Variants in OR4K2 observed in about 807,000 individuals in gnomAD.
OR4K2 encodes the protein olfactory receptor family 4 subfamily K member 2.
In OR4K2, 8 loss-of-function variants were observed where a neutral mutation model predicts 10.5. That is an observed-to-expected ratio of 0.76 (90% CI 0.45 to 1.37). The LOEUF (loss-of-function observed/expected upper bound fraction) is 1.37. OR4K2 is among the 40% of genes most tolerant of loss of function. The probability of loss-of-function intolerance (pLI) is 0.00; values close to 1 mark genes in which losing one functional copy is unlikely to be tolerated. For synonymous variants in OR4K2, 178 were observed against 133.6 expected (o/e 1.33, Z -2.29); for missense variants, 547 against 379.5 (o/e 1.44, Z -3.67).
rs1238456621 is a variant in OR4K2 at position 19,878,444 on chromosome 14, CAAGTT to C, written c.*1233_*1237del. On this transcript the variant is annotated 3_prime_UTR_variant, in exon 2 of 2. Coordinates refer to ENST00000641885, the MANE Select transcript of OR4K2 (RefSeq NM_001005501.2). Reference sequence around the variant, plus strand: ...TTGCAACCACAGTATTTGATAATATCAAGTTGTTATTTTCTGGTATGATTGAGTAA... The same window carrying C: ...TTGCAACCACAGTATTTGATAATATCGTTATTTTCTGGTATGATTGAGTAA... The C allele has an allele frequency of 6.6e-6, 1 of 152,120 alleles. No individual in the cohort carries two copies. The highest frequency in any genetic ancestry group is 1.5e-5 in the Non-Finnish European group (1 of 67,994). 9.4% of individuals were successfully genotyped at this position (152,120 alleles called of 1,614,324 possible).
Position 19,876,624 on chromosome 14 carries a change from CTT to C in OR4K2, c.359_360del (p.Phe120Ter). 6.2e-7 allele frequency: 1 copy of C among 1,614,204 alleles called. No individual in the cohort carries two copies. The highest frequency in any genetic ancestry group is 8.5e-7 in the Non-Finnish European group (1 of 1,180,008). On this transcript the variant is annotated frameshift_variant, in exon 2 of 2. Transcript: ENST00000641885. LOFTEE classifies it high-confidence loss of function. ...TEIILLMAMS[F>X]DRYIAICKPL... ...AGATCATCTTACTCATGGCCATGTC[CTT>C]TGATAGGTATATTGCAATATGCAAG...
At position 19,877,362 on chromosome 14, in the gene OR4K2, C is replaced by A; in HGVS notation, c.*150C>A. The A allele has an allele frequency of 1.7e-6, 1 of 593,216 alleles. No individual in the cohort carries two copies. The highest frequency in any genetic ancestry group is 2.5e-5 in the South Asian group (1 of 40,432). 36.7% of individuals were successfully genotyped at this position (593,216 alleles called of 1,614,324 possible). ...CATGAATGTGAATGTGTTCAAAATACATTTGAAATTTCAGAAAAGCAAGTT... is the reference window on the plus strand; with the variant it reads ...CATGAATGTGAATGTGTTCAAAATAAATTTGAAATTTCAGAAAAGCAAGTT... On this transcript the variant is annotated 3_prime_UTR_variant, in exon 2 of 2. Coordinates refer to ENST00000641885, the MANE Select transcript of OR4K2 (RefSeq NM_001005501.2).
Position 19,882,787 on chromosome 14 carries a change from T to G in OR4K2, c.*5575T>G, listed in dbSNP as rs1347581483. 1 of 153,244 alleles carries G rather than the reference T, an allele frequency of 6.5e-6. No homozygotes were observed. The highest frequency in any genetic ancestry group is 1.5e-5 in the Non-Finnish European group (1 of 68,954). 9.5% of individuals were successfully genotyped at this position (153,244 alleles called of 1,614,324 possible). A position where few individuals can be genotyped will look rare whatever the true frequency, so the allele number is the denominator to read the frequency against. On this transcript the variant is annotated 3_prime_UTR_variant, in exon 2 of 2. Coordinates refer to ENST00000641885, the MANE Select transcript of OR4K2 (RefSeq NM_001005501.2). ...CTACAAGTCTCACTATCACTATCTC[T>G]TCAATTTCTGTATAATTTATCTTTC... is the stretch of plus-strand genomic sequence containing the variant.
rs1880886387 is a variant in OR4K2, at chr14:19,876,098, A to C, written c.-60A>C. On this transcript the variant is annotated 5_prime_UTR_variant, in exon 1 of 2. Coordinates refer to ENST00000641885, the MANE Select transcript of OR4K2 (RefSeq NM_001005501.2). ...ATATTTCATAATTTCCATTCAAAACAATATACCAAATGAGAAGGATGGAAA... is the reference window on the plus strand; with the variant it reads ...ATATTTCATAATTTCCATTCAAAACCATATACCAAATGAGAAGGATGGAAA... 1 of 614,278 alleles carries C rather than the reference A, an allele frequency of 1.6e-6. No individual in the cohort carries two copies. The highest frequency in any genetic ancestry group is 2.8e-6 in the Non-Finnish European group (1 of 362,176). 38.1% of individuals were successfully genotyped at this position (614,278 alleles called of 1,614,324 possible).
chr14:19,875,996 G>A lies in OR4K2; in HGVS notation c.-162G>A. The A allele has an allele frequency of 2.4e-6, 1 of 416,162 alleles. No individual in the cohort carries two copies. Among genetic ancestry groups the A allele is most frequent in the Non-Finnish European group, 4.3e-6 (1 of 233,198 alleles). The allele number at this position is 416,162 out of a possible 1,614,324, so 25.8% of individuals were successfully genotyped here. ...TGTTCAGAATGATATTATCTTGGTTGGATTGCCATTAGTATCAGAAAAGAA... is the reference window on the plus strand; with the variant it reads ...TGTTCAGAATGATATTATCTTGGTTAGATTGCCATTAGTATCAGAAAAGAA... On this transcript the variant is annotated 5_prime_UTR_variant, in exon 1 of 2. Transcript: ENST00000641885.
rs1194046283 is a variant in OR4K2, at chr14:19,875,861, C to A, written c.-297C>A. ...ATCTTTATGGACAAATTCCAAATGA[C>A]TAAACATGTATGTGTATGTGTGTTT... On this transcript the variant is annotated 5_prime_UTR_variant, in exon 1 of 2. Coordinates refer to ENST00000641885, the MANE Select transcript of OR4K2 (RefSeq NM_001005501.2). 1 of 172,912 alleles carries A rather than the reference C, an allele frequency of 5.8e-6. No individual in the cohort carries two copies. Among genetic ancestry groups the A allele is most frequent in the Non-Finnish European group, 1.2e-5 (1 of 81,924 alleles). 10.7% of individuals were successfully genotyped at this position (172,912 alleles called of 1,614,324 possible).
In OR4K2 at chr14:19,876,453, G is replaced by C; in HGVS notation, c.186G>C (p.Leu62=). ...ACCTACACTCTCCTATGTATTTCCTGCTTACCAATCTTTCAATCATTGATA... is the reference window on the plus strand; with the variant it reads ...ACCTACACTCTCCTATGTATTTCCTCCTTACCAATCTTTCAATCATTGATA... ...DPHLHSPMYF[L]LTNLSIIDMS... The change falls in exon 2 of 2, where the codon CTG becomes CTC. Residue 62 remains leucine, a synonymous_variant. Coordinates refer to ENST00000641885, the MANE Select transcript of OR4K2 (RefSeq NM_001005501.2). The C allele has an allele frequency of 6.2e-7, 1 of 1,614,080 alleles. No homozygotes were observed. The highest frequency in any genetic ancestry group is 8.5e-7 in the Non-Finnish European group (1 of 1,179,964).
chr14:19,879,215 A>T lies in OR4K2; in HGVS notation c.*2003A>T, dbSNP rs954374534. The T allele has an allele frequency of 6.6e-6, 1 of 151,800 alleles. No individual in the cohort carries two copies. Among genetic ancestry groups the T allele is most frequent in the African/African-American group, 2.4e-5 (1 of 41,306 alleles). 9.4% of individuals were successfully genotyped at this position (151,800 alleles called of 1,614,324 possible). A position where few individuals can be genotyped will look rare whatever the true frequency, so the allele number is the denominator to read the frequency against. ...GCTTACATATATAAATGGAACTATC[A>T]CATTTCTCGGTGGCTTAGTGTGAGG... On this transcript the variant is annotated 3_prime_UTR_variant, in exon 2 of 2. Transcript: ENST00000641885.
rs868554412 is a variant in OR4K2 at position 19,876,853 on chromosome 14, G to C, written c.586G>C (p.Gly196Arg). The C allele has an allele frequency of 1.2e-6, 2 of 1,613,912 alleles. No individual in the cohort carries two copies. The highest frequency in any genetic ancestry group is 8.5e-7 in the Non-Finnish European group (1 of 1,179,980). ...QLACVDTYVLGLFMISTSGII... is the reference protein window; with the variant it reads ...QLACVDTYVLRLFMISTSGII... ...GGCTTGTGTGGATACTTATGTTCTG[G>C]GCCTCTTTATGATCTCAACAAGTGG... Residue 196 changes from glycine to arginine, a missense_variant, in exon 2 of 2, where the codon GGC becomes CGC. Coordinates refer to ENST00000641885, the MANE Select transcript of OR4K2 (RefSeq NM_001005501.2).
rs374783974 is a variant in OR4K2 at position 19,876,967 on chromosome 14, T to A, written c.700T>A (p.Ser234Thr). Residue 234 changes from serine to threonine, a missense_variant, in exon 2 of 2, where the codon TCT becomes ACT. Coordinates refer to ENST00000641885, the MANE Select transcript of OR4K2 (RefSeq NM_001005501.2). The part of the protein sequence containing the change: ...TVKHHSSRGS[S>T]KALSTCTAHF... The stretch of plus-strand genomic sequence containing the variant: ...GAAGCATCATTCTTCCAGAGGATCA[T>A]CTAAGGCCCTTTCTACTTGTACAGC... 5.6e-6 allele frequency: 9 copies of A among 1,613,932 alleles called. No homozygotes were observed. The highest frequency in any genetic ancestry group is 7.6e-6 in the Non-Finnish European group (9 of 1,179,974).
rs1446436829 is a variant in OR4K2 at position 19,879,678 on chromosome 14, GT to G, written c.*2467del. On this transcript the variant is annotated 3_prime_UTR_variant, in exon 2 of 2. Coordinates refer to ENST00000641885, the MANE Select transcript of OR4K2 (RefSeq NM_001005501.2). ...AGGTATAGATAAAAACAGATAAAGT[GT>G]AAATTTTAATATGTGAAGGAACTGG... 6.6e-5 allele frequency: 10 copies of G among 152,180 alleles called. No homozygotes were observed. The highest frequency in any genetic ancestry group is 3.9e-4 in the Admixed American group (6 of 15,262). The allele number at this position is 152,180 out of a possible 1,614,324, so 9.4% of individuals were successfully genotyped here. A position where few individuals can be genotyped will look rare whatever the true frequency, so the allele number is the denominator to read the frequency against.
rs752973858 is a variant in OR4K2, at chr14:19,879,955, C to T, written c.*2743C>T. ...CAAACTGTATAAGCTTTAAGCCTAGCTTGTCCAACCCATGACCTGCAGGTT... is the reference window on the plus strand; with the variant it reads ...CAAACTGTATAAGCTTTAAGCCTAGTTTGTCCAACCCATGACCTGCAGGTT... On this transcript the variant is annotated 3_prime_UTR_variant, in exon 2 of 2. Coordinates refer to ENST00000641885, the MANE Select transcript of OR4K2 (RefSeq NM_001005501.2). The T allele has an allele frequency of 6.6e-6, 1 of 152,236 alleles. No homozygotes were observed. The highest frequency in any genetic ancestry group is 1.5e-5 in the Non-Finnish European group (1 of 68,054). 9.4% of individuals were successfully genotyped at this position (152,236 alleles called of 1,614,324 possible).
intron 1 of OR4K2, 27 bp from the exon 2 acceptor site, chr14:19,876,214 CTTTT>C (rs35601631): frequency 0.013 from 8,477 of 631,246 alleles, no homozygotes; most frequent in Non-Finnish European, 0.016. Context: ...TCTGACTTTC[CTTTT>C]TTTTTTTTTT....
Position 19,876,142 on chromosome 14 carries a change from T to G in OR4K2, c.-24+8T>G, listed in dbSNP as rs1021202438. On this transcript the variant is annotated splice_region_variant and intron_variant, in intron 1 of 1. Transcript: ENST00000641885. ...ATGGAAAGAATAGTCAAGGTAAGTT[T>G]TATGAGAAGATAAAATTTCTGAAAG... 3.7e-6 allele frequency: 3 copies of G among 808,466 alleles called. No individual in the cohort carries two copies. The African/African-American group carries it at 5.3e-5, about 14-fold the overall frequency. 50.1% of individuals were successfully genotyped at this position (808,466 alleles called of 1,614,324 possible). A position where few individuals can be genotyped will look rare whatever the true frequency, so the allele number is the denominator to read the frequency against.
Position 19,875,997 on chromosome 14 carries a change from G to A in OR4K2, c.-161G>A. 1 of 417,684 alleles carries A rather than the reference G, an allele frequency of 2.4e-6. No homozygotes were observed. The allele number at this position is 417,684 out of a possible 1,614,324, so 25.9% of individuals were successfully genotyped here. ...GTTCAGAATGATATTATCTTGGTTG[G>A]ATTGCCATTAGTATCAGAAAAGAAA... On this transcript the variant is annotated 5_prime_UTR_variant, in exon 1 of 2. Transcript: ENST00000641885.
rs1383954173 is a variant in OR4K2, at chr14:19,879,786, T to A, written c.*2574T>A. ...AAAACTTTTAGAATACTATATGGTA[T>A]AATGATGGTGGATTTACCATAAAGC... On this transcript the variant is annotated 3_prime_UTR_variant, in exon 2 of 2. Transcript: ENST00000641885. The A allele has an allele frequency of 6.6e-6, 1 of 152,258 alleles. No homozygotes were observed. Among genetic ancestry groups the A allele is most frequent in the Non-Finnish European group, 1.5e-5 (1 of 68,034 alleles). 9.4% of individuals were successfully genotyped at this position (152,258 alleles called of 1,614,324 possible).
At position 19,876,554 on chromosome 14, in the gene OR4K2, G is replaced by A. The variant is rs1389547145; in HGVS notation, c.287G>A (p.Gly96Asp). 2 of 1,614,134 alleles carry A rather than the reference G, an allele frequency of 1.2e-6. No individual in the cohort carries two copies. The highest frequency in any genetic ancestry group is 1.3e-5 in the African/African-American group (1 of 75,030). Residue 96 changes from glycine to aspartate, a missense_variant, in exon 2 of 2, where the codon GGC (glycine) becomes GAC (aspartate). Transcript: ENST00000641885. ...GGTCACAAAACCATCTCTTTTGATG[G>A]CTGCCTTACCCAGATATTCTTTCTC... ...LTGHKTISFDGCLTQIFFLHL... is the reference protein window; with the variant it reads ...LTGHKTISFDDCLTQIFFLHL...
At position 19,881,493 on chromosome 14, in the gene OR4K2, G is replaced by A. The variant is rs1223090583; in HGVS notation, c.*4281G>A. ...AATTGACATGTTATTTTTTCTCTTT[G>A]ATTTTTGTAAAACAAACAAATAAAT... On this transcript the variant is annotated 3_prime_UTR_variant, in exon 2 of 2. Coordinates refer to ENST00000641885, the MANE Select transcript of OR4K2 (RefSeq NM_001005501.2). The A allele has an allele frequency of 6.6e-6, 1 of 151,556 alleles. No individual in the cohort carries two copies. Among genetic ancestry groups the A allele is most frequent in the East Asian group, 1.9e-4 (1 of 5,182 alleles). The allele number at this position is 151,556 out of a possible 1,614,324, so 9.4% of individuals were successfully genotyped here.
At position 19,876,878 on chromosome 14, in the gene OR4K2, G is replaced by T. The variant is rs895680210; in HGVS notation, c.611G>T (p.Gly204Val). Residue 204 changes from glycine (G) to valine (V), a missense_variant, in exon 2 of 2, where the codon GGC becomes GTC. Transcript: ENST00000641885. ...GGCCTCTTTATGATCTCAACAAGTGGCATAATTGCGTTGTCCTGTTTTATT... is the reference window on the plus strand; with the variant it reads ...GGCCTCTTTATGATCTCAACAAGTGTCATAATTGCGTTGTCCTGTTTTATT... ...VLGLFMISTSGIIALSCFIVL... is the reference protein window; with the variant it reads ...VLGLFMISTSVIIALSCFIVL... The T allele has an allele frequency of 1.2e-6, 2 of 1,614,162 alleles. No individual in the cohort carries two copies. The highest frequency in any genetic ancestry group is 1.7e-6 in the Non-Finnish European group (2 of 1,179,986).
Sources: gnomAD v4.1 joint callset for allele counts on GRCh38, gnomAD v4.1.1 for gene constraint, MANE v1.5 for transcripts, NCBI Gene and HGNC (gene_info 2026-07-23, HGNC 2026-07-21) for gene names.